Variants in DIAPH1 observed in about 807,000 individuals in gnomAD.
DIAPH1 encodes the protein protein diaphanous homolog 1.
DIAPH1 carries 46 observed loss-of-function variants against 140.7 expected under a neutral mutation model. The ratio of observed to expected loss-of-function variants is 0.33; its 90% CI spans 0.26 to 0.42. The LOEUF is 0.42. DIAPH1 is among the 10% of genes least tolerant of loss of function. DIAPH1 has a pLI of 1.00. For missense variants in DIAPH1, 1,310 were observed against 1,558.7 expected, an observed-to-expected ratio of 0.84 and a Z score of 2.69; for synonymous variants, 565 against 551.6, an observed-to-expected ratio of 1.02 and a Z score of -0.34.
At chr5:141,562,251 TCTA>T (rs911099381) in intron 18 of DIAPH1, among the ~76,000 whole-genome samples, 7 of 152,118 alleles carry the variant, frequency 4.6e-5, no homozygotes, top group Admixed American at 3.9e-4. Flanking sequence ...ATTTCATTAC[TCTA>T]CTTTTGTTTT....
rs2099887565 is a variant in DIAPH1, at chr5:141,527,604, T to C, written c.3242A>G (p.Asp1081Gly). The change falls in exon 24 of 28, where the codon GAT becomes GGT. Residue 1081 changes from aspartate (D) to glycine (G), a missense_variant. Physicochemically the swap from Asp to Gly is moderately conservative, Grantham distance 94 (BLOSUM62 -1). Around this residue, in one of 3 missense-constraint regions of DIAPH1, gnomAD observed 344 missense variants for 512.2 expected, o/e 0.67. Transcript: ENST00000389054. ...TTTTTCAACAAACTTGTCTTTTTCA[T>C]CTGTGGCAGCTGGGAAATTCTGAAC... Reference protein sequence around the residue: ...RDVQNFPAATDEKDKFVEKMT... With the variant: ...RDVQNFPAATGEKDKFVEKMT... 1 of 1,613,214 alleles carries C rather than the reference T, an allele frequency of 6.2e-7. No individual in the cohort carries two copies.
chr5:141,525,740 C>A (rs1294167999), intron 26 of DIAPH1, among the ~76,000 whole-genome samples: 2 of 152,088 alleles, frequency 1.3e-5, no homozygotes. Flanking sequence ...CCAGAGGAAC[C>A]TTTGGATGGA....
chr5:141,584,893 G>A (rs1453885631), intron 3 of DIAPH1, among the ~76,000 whole-genome samples: 3 of 152,038 alleles, frequency 2.0e-5, no homozygotes, highest in African/African-American at 4.8e-5. Context: ...TGGATGGGGG[G>A]ATGTATTCTG....
Position 141,577,479 on chromosome 5 carries a change from C to A in DIAPH1, c.1276G>T (p.Ala426Ser). The change falls in exon 12 of 28, where the codon GCC (alanine) becomes TCC (serine). Residue 426 changes from alanine (A) to serine (S), a missense_variant. Physicochemically the swap from Ala to Ser is moderately conservative, Grantham distance 99. Transcript: ENST00000389054. ...HLLLVRNDYEARPQYYKLIEE... is the reference protein window; with the variant it reads ...HLLLVRNDYESRPQYYKLIEE... ...CTCATAAGCACAGCATCTTACCTGG[C>A]CTCATAGTCATTTCGGACCAAGAGT... The A allele has an allele frequency of 6.2e-7, 1 of 1,607,342 alleles. No individual in the cohort carries two copies. The highest frequency in any genetic ancestry group is 8.5e-7 in the Non-Finnish European group (1 of 1,173,808).
chr5:141,579,839 T>C (rs1309851439), intron 8 of DIAPH1, among the ~76,000 whole-genome samples: 4 of 151,546 alleles, frequency 2.6e-5, no homozygotes, highest in Admixed American at 2.0e-4. Context: ...TCCCAGCTAC[T>C]CGGGAGGCTG....
At chr5:141,544,382 T>C (rs909968669) in intron 18 of DIAPH1, among the ~76,000 whole-genome samples, 3 of 152,012 alleles carry the variant, frequency 2.0e-5, no homozygotes, top group African/African-American at 7.2e-5. Flanking sequence ...GAAGCAGACT[T>C]CATCAAAATT....
chr5:141,552,561 AATAC>A lies in DIAPH1; in HGVS notation c.2483-18132_2483-18129del, dbSNP rs576828004. On this transcript the variant is annotated intron_variant, in intron 18 of 27. Coordinates refer to ENST00000389054, the MANE Select transcript of DIAPH1 (RefSeq NM_005219.5). ...ATTCTTCTTTAGAGCCTCCAGAAGG[AATAC>A]AGCCCTGCCAACATTTCGATTTTAG... Among the ~76,000 whole-genome samples, 270 of 152,344 alleles carry A rather than the reference AATAC, an allele frequency of 1.8e-3. 1 individual carries two copies. In the Middle Eastern group the frequency reaches 0.02, roughly 12 times the overall value.
At position 141,527,699 on chromosome 5, in the gene DIAPH1, TAAAAAAAAAAA is replaced by T. The variant is rs79558427; in HGVS notation, c.3149-13_3149-3del. 6.2e-6 allele frequency: 7 copies of T among 1,132,604 alleles called. No individual in the cohort carries two copies. The highest frequency in any genetic ancestry group is 1.7e-5 in the South Asian group (1 of 58,802). The allele number at this position is 1,132,604 out of a possible 1,614,324, so 70.2% of individuals were successfully genotyped here. A position where few individuals can be genotyped will look rare whatever the true frequency, so the allele number is the denominator to read the frequency against. ...TCTTTTGCAAGTTTTCAGCAGAAAC[TAAAAAAAAAAA>T]AAAAAAAAAAAACCATAAAAACAGA... On this transcript the variant is annotated splice_polypyrimidine_tract_variant and splice_region_variant and intron_variant, in intron 23 of 27. Transcript: ENST00000389054.
In DIAPH1 at chr5:141,516,390, G is replaced by A. The variant is rs1685686418; in HGVS notation, c.*461C>T. 2 of 204,444 alleles carry A rather than the reference G, an allele frequency of 9.8e-6. No homozygotes were observed. Among genetic ancestry groups the A allele is most frequent in the South Asian group, 1.7e-4 (2 of 11,626 alleles). 12.7% of individuals were successfully genotyped at this position (204,444 alleles called of 1,614,324 possible). ...AGAGCAGAGACAACAGCAATGAAAG[G>A]AGGGATCTAGCCCAAAGGTTTACAA... On this transcript the variant is annotated 3_prime_UTR_variant, in exon 28 of 28. Coordinates refer to ENST00000389054, the MANE Select transcript of DIAPH1 (RefSeq NM_005219.5).
chr5:141,521,439 G>C (rs150556569), intron 27 of DIAPH1, among the ~76,000 whole-genome samples: 1 of 152,240 alleles, frequency 6.6e-6, no homozygotes, highest in East Asian at 1.9e-4. Flanking sequence ...TCCAACCATT[G>C]TTCTCCCACA....
chr5:141,518,939 G>A (rs1032623210), intron 27 of DIAPH1: 1 of 1,550,584 alleles, frequency 6.4e-7, no homozygotes, highest in Non-Finnish European at 8.7e-7. Flanking sequence ...ATGCACACAG[G>A]TTACCAATTT....
chr5:141,529,035 C>T, intron 21 of DIAPH1, 94 bp from the exon 22 acceptor site: 1 of 1,592,656 alleles, frequency 6.3e-7, no homozygotes, highest in African/African-American at 1.3e-5. Context: ...GATCACAGCT[C>T]CAGAGCAGGG....
Position 141,576,301 on chromosome 5 carries a change from A to C in DIAPH1, c.1397-7T>G. On this transcript the variant is annotated splice_polypyrimidine_tract_variant and splice_region_variant and intron_variant, in intron 13 of 27. Coordinates refer to ENST00000389054, the MANE Select transcript of DIAPH1 (RefSeq NM_005219.5). Reference sequence around the variant, plus strand: ...GTCTTATCAATCATTTGATCTGAAAAGAAGAAGAGTCAGTAAGTAAAGCTC... The same window carrying C: ...GTCTTATCAATCATTTGATCTGAAACGAAGAAGAGTCAGTAAGTAAAGCTC... 6.2e-7 allele frequency: 1 copy of C among 1,610,902 alleles called. No homozygotes were observed. The highest frequency in any genetic ancestry group is 1.1e-5 in the South Asian group (1 of 90,986).
chr5:141,562,720 C>T (rs1157530817), intron 18 of DIAPH1, among the ~76,000 whole-genome samples: 1 of 151,980 alleles, frequency 6.6e-6, no homozygotes, highest in Non-Finnish European at 1.5e-5. Flanking sequence ...AGCCTGTCTA[C>T]AACCTTATGT....
In DIAPH1 at chr5:141,529,137, G is replaced by A. The variant is rs1159992284; in HGVS notation, c.2778+35C>T. ...TCTAGAGGGGAGGGGAATACAGGAG[G>A]TGGAAAACCGCTTACTGCCACAGGC... On this transcript the variant is annotated intron_variant, in intron 21 of 27. Transcript: ENST00000389054. 3.8e-6 allele frequency: 6 copies of A among 1,591,262 alleles called. No homozygotes were observed. The East Asian group carries it at 1.1e-4, about 30-fold the overall frequency.
intron 18 of DIAPH1, among the ~76,000 whole-genome samples, chr5:141,568,830 A>G (rs1036657027): frequency 1.3e-5 from 2 of 152,180 alleles, no homozygotes; most frequent in Non-Finnish European, 2.9e-5. Context: ...AAATAATGCA[A>G]TATGATGAAA....
At chr5:141,558,995 C>T (rs956229056) in intron 18 of DIAPH1, among the ~76,000 whole-genome samples, 1 of 151,548 alleles carries the variant, frequency 6.6e-6, no homozygotes, top group African/African-American at 2.4e-5. Context: ...AATCTTAGAT[C>T]TCTCAGGCAT....
chr5:141,532,965 A>T (rs1470748878), intron 19 of DIAPH1, among the ~76,000 whole-genome samples: 2 of 152,216 alleles, frequency 1.3e-5, no homozygotes, highest in East Asian at 3.8e-4. Flanking sequence ...ACTTCACCAC[A>T]GACACTATGT....
intron 2 of DIAPH1, 130 bp downstream of exon 2, chr5:141,588,094 A>G (rs1480960023): frequency 1.3e-6 from 1 of 776,824 alleles, no homozygotes; most frequent in Non-Finnish European, 2.3e-6. Context: ...TTAGGAAAAA[A>G]GCCTTGAGAT....
Sources: gnomAD v4.1 joint callset for allele counts (sites outside exome capture counted in the v4.1 genomes callset) on GRCh38, gnomAD v4.1.1 for gene constraint, gnomAD v4.1.1 regional missense constraint, MANE v1.5 for transcripts, NCBI Gene and HGNC (gene_info 2026-07-23, HGNC 2026-07-21) for gene names.